Variants in YWHAB observed in about 807,000 individuals in gnomAD.
The protein encoded by YWHAB is 14-3-3 protein beta/alpha.
In YWHAB, 2 loss-of-function variants were observed where a neutral mutation model predicts 28.5. The ratio of observed to expected loss-of-function variants is 0.07; its 90% CI spans 0.03 to 0.22. YWHAB has a LOEUF of 0.22. Ranked by LOEUF, YWHAB falls within the 10% of genes least tolerant of loss-of-function variation. The probability of loss-of-function intolerance (pLI) is 1.00; values close to 1 mark genes in which losing one functional copy is unlikely to be tolerated. For missense variants in YWHAB, 148 were observed against 297.1 expected (o/e 0.50, Z 3.69); for synonymous variants, 103 against 104.7 (o/e 0.98, Z 0.10).
intron 1 of YWHAB, chr20:44,886,786 A>G (rs1186433388): frequency 6.6e-6 from 1 of 152,220 alleles, no homozygotes; most frequent in Non-Finnish European, 1.5e-5. Flanking sequence ...GGGTTTTCAG[A>G]GGTGGCAGCC....
chr20:44,901,276 G>A (rs940502156), intron 1 of YWHAB, among the ~76,000 whole-genome samples: 2 of 152,142 alleles, frequency 1.3e-5, no homozygotes, highest in East Asian at 3.9e-4. Context: ...ATAAGAAGGG[G>A]AAAGTTGTTG....
intron 1 of YWHAB, among the ~76,000 whole-genome samples, chr20:44,890,727 T>G (rs1601087580): frequency 1.3e-5 from 2 of 152,032 alleles, no homozygotes; most frequent in Non-Finnish European, 2.9e-5. Flanking sequence ...GCCAGGCTGG[T>G]CTTGAACTCC....
chr20:44,890,154 C>T (rs1158053629), intron 1 of YWHAB, among the ~76,000 whole-genome samples: 1 of 152,094 alleles, frequency 6.6e-6, no homozygotes, highest in Admixed American at 6.5e-5. Flanking sequence ...TTTTGTATAG[C>T]GAACTGATTG....
At chr20:44,891,183 A>G (rs994782245) in intron 1 of YWHAB, among the ~76,000 whole-genome samples, 3 of 151,582 alleles carry the variant, frequency 2.0e-5, no homozygotes, top group Non-Finnish European at 4.4e-5. Flanking sequence ...CAGTGGCGTG[A>G]TCTCAGCTCA....
intron 1 of YWHAB, among the ~76,000 whole-genome samples, chr20:44,898,427 T>C (rs1002987454): frequency 6.6e-6 from 1 of 152,180 alleles, no homozygotes; most frequent in Non-Finnish European, 1.5e-5. Flanking sequence ...AGGCCCTGTG[T>C]GTAGAATTTC....
At chr20:44,887,686 A>G (rs558700305) in intron 1 of YWHAB, 2 of 152,282 alleles carry the variant, frequency 1.3e-5, no homozygotes, top group Admixed American at 6.5e-5. Flanking sequence ...CAAAAAGTGC[A>G]TTTTGCCCAT....
intron 1 of YWHAB, chr20:44,886,870 T>G (rs1476503610): frequency 6.6e-6 from 1 of 152,236 alleles, no homozygotes; most frequent in Non-Finnish European, 1.5e-5. Flanking sequence ...TTCTCTTTGG[T>G]AAGGCTAGAT....
At chr20:44,892,009 C>T (rs1406809277) in intron 1 of YWHAB, among the ~76,000 whole-genome samples, 1 of 152,214 alleles carries the variant, frequency 6.6e-6, no homozygotes, top group Non-Finnish European at 1.5e-5. Context: ...CTGGGTAACA[C>T]CCACTAACCA....
intron 1 of YWHAB, among the ~76,000 whole-genome samples, chr20:44,897,786 G>C (rs2093023052): frequency 6.6e-6 from 1 of 152,180 alleles, no homozygotes; most frequent in African/African-American, 2.4e-5. Context: ...TGATGTACTT[G>C]TATTAGAGTA....
In YWHAB at chr20:44,906,476, GTACCCTC is replaced by G; in HGVS notation, c.*39_*45del. On this transcript the variant is annotated 3_prime_UTR_variant, in exon 6 of 6. Coordinates refer to ENST00000353703, the MANE Select transcript of YWHAB (RefSeq NM_139323.4). The stretch of plus-strand genomic sequence containing the variant: ...TTTGTGATCTGTTCAGTGTCACTCT[GTACCCTC>G]AACATATATCCCTTGTGCGATAAAA... 1 of 1,220,228 alleles carries G rather than the reference GTACCCTC, an allele frequency of 8.2e-7. No homozygotes were observed. The highest frequency in any genetic ancestry group is 1.2e-6 in the Non-Finnish European group (1 of 855,096). 75.6% of individuals were successfully genotyped at this position (1,220,228 alleles called of 1,614,324 possible). A position where few individuals can be genotyped will look rare whatever the true frequency, so the allele number is the denominator to read the frequency against.
intron 2 of YWHAB, 23 bp downstream of exon 2, chr20:44,901,856 T>G (rs374771879): frequency 6.4e-7 from 1 of 1,568,786 alleles, no homozygotes; most frequent in Non-Finnish European, 8.7e-7. Context: ...TGCTTCTGTT[T>G]TGAACAGTGG....
chr20:44,887,554 T>C (rs1326529234), intron 1 of YWHAB: 2 of 152,242 alleles, frequency 1.3e-5, no homozygotes, highest in Non-Finnish European at 2.9e-5. Flanking sequence ...GTGCTTGTTA[T>C]ATTGAAGCCA....
rs2066659636 is a variant in YWHAB at position 44,906,663 on chromosome 20, G to T, written c.*225G>T. ...CACGGCATTCCGAAGTTTTGATTTT[G>T]ATTAACATTGACAGGATTACTGTGT... On this transcript the variant is annotated 3_prime_UTR_variant, in exon 6 of 6. Coordinates refer to ENST00000353703, the MANE Select transcript of YWHAB (RefSeq NM_139323.4). 5.6e-6 allele frequency: 2 copies of T among 358,844 alleles called. No homozygotes were observed. The allele number at this position is 358,844 out of a possible 1,614,324, so 22.2% of individuals were successfully genotyped here.
rs2066673068 is a variant in YWHAB at position 44,908,374 on chromosome 20, T to C, written c.*1936T>C. ...TGCCTAGCAAGCACACCCGTGGTTG[T>C]GAAAATAGTATAGCAAAAAAGAAAA... On this transcript the variant is annotated 3_prime_UTR_variant, in exon 6 of 6. Transcript: ENST00000353703. 1 of 152,624 alleles carries C rather than the reference T, an allele frequency of 6.6e-6. No homozygotes were observed. The highest frequency in any genetic ancestry group is 1.5e-5 in the Non-Finnish European group (1 of 68,050). The allele number at this position is 152,624 out of a possible 1,614,324, so 9.5% of individuals were successfully genotyped here.
chr20:44,904,970 A>C lies in YWHAB; in HGVS notation c.427A>C (p.Thr143Pro), dbSNP rs767389512. 1 of 1,594,520 alleles carries C rather than the reference A, an allele frequency of 6.3e-7. No homozygotes were observed. Among genetic ancestry groups the C allele is most frequent in the Non-Finnish European group, 8.6e-7 (1 of 1,168,104 alleles). ...ATATTTTCATCTTTATGTTACAGCCACTGTGTCGAACTCCCAGCAGGCTTA... is the reference window on the plus strand; with the variant it reads ...ATATTTTCATCTTTATGTTACAGCCCCTGTGTCGAACTCCCAGCAGGCTTA... The part of the protein sequence containing the change: ...EVASGDNKQT[T>P]VSNSQQAYQE... The change falls in exon 4 of 6, where the codon ACT becomes CCT. Residue 143 changes from threonine (T) to proline (P), a missense_variant and splice_region_variant. By Grantham distance (38) the Thr-to-Pro change is conservative. This residue lies in a region of YWHAB where 110 missense variants were observed against 177.9 expected (regional missense o/e 0.62). Coordinates refer to ENST00000353703, the MANE Select transcript of YWHAB (RefSeq NM_139323.4).
intron 2 of YWHAB, chr20:44,903,535 A>G (rs1342758151): frequency 6.6e-6 from 1 of 152,522 alleles, no homozygotes; most frequent in Non-Finnish European, 1.5e-5. Flanking sequence ...AAGAAAGTAA[A>G]AATCACTTCT....
intron 3 of YWHAB, among the ~76,000 whole-genome samples, chr20:44,904,391 A>G (rs1271961524): frequency 6.6e-6 from 1 of 152,118 alleles, no homozygotes; most frequent in Non-Finnish European, 1.5e-5. Flanking sequence ...TTAGCAGTGA[A>G]CTTTTTATAC....
intron 1 of YWHAB, among the ~76,000 whole-genome samples, chr20:44,901,105 T>C (rs1035346719): frequency 2.0e-5 from 3 of 152,148 alleles, no homozygotes; most frequent in Non-Finnish European, 4.4e-5. Flanking sequence ...AAATAGTTAT[T>C]AAGCAGTCTG....
chr20:44,885,853 C>T lies in YWHAB; in HGVS notation c.-37C>T, dbSNP rs2066522832. 6.5e-6 allele frequency: 1 copy of T among 154,840 alleles called. No homozygotes were observed. Among genetic ancestry groups the T allele is most frequent in the African/African-American group, 2.4e-5 (1 of 41,586 alleles). The allele number at this position is 154,840 out of a possible 1,614,324, so 9.6% of individuals were successfully genotyped here. A position where few individuals can be genotyped will look rare whatever the true frequency, so the allele number is the denominator to read the frequency against. On this transcript the variant is annotated 5_prime_UTR_variant, in exon 1 of 6. Transcript: ENST00000353703. ...AGGTCATCTCGCTCGGAGCTTCGCTCGGAAGGGTCTTTGTTCCCTGCAGCC... is the reference window on the plus strand; with the variant it reads ...AGGTCATCTCGCTCGGAGCTTCGCTTGGAAGGGTCTTTGTTCCCTGCAGCC...
Sources: gnomAD v4.1 joint callset for allele counts (sites outside exome capture counted in the v4.1 genomes callset) on GRCh38, gnomAD v4.1.1 for gene constraint, gnomAD v4.1.1 regional missense constraint, MANE v1.5 for transcripts, NCBI Gene and HGNC (gene_info 2026-07-23, HGNC 2026-07-21) for gene names.